Variants in PGCKA1 observed in about 807,000 individuals in gnomAD.
The protein encoded by PGCKA1 is PDCD10 and GCKIII kinases-associated protein 1.
At chr4:37,482,282 C>G in the PGCKA1 span, among the ~76,000 whole-genome samples, 1 of 152,118 alleles carries the variant, frequency 6.6e-6, no homozygotes, top group African/African-American at 2.4e-5. Flanking sequence ...TGGGAACTTC[C>G]TAGAGATTTG....
chr4:37,478,149 CCCA>C, the PGCKA1 span, among the ~76,000 whole-genome samples: 9 of 111,626 alleles, frequency 8.1e-5, no homozygotes, highest in South Asian at 3.9e-4. Context: ...AACACCCCCC[CCCA>C]CCGCCACTTA....
the PGCKA1 span, among the ~76,000 whole-genome samples, chr4:37,503,587 A>G: frequency 5.3e-5 from 8 of 152,142 alleles, no homozygotes; most frequent in African/African-American, 1.9e-4. Flanking sequence ...CCAACAGCAT[A>G]CTGATCTCCA....
the PGCKA1 span, among the ~76,000 whole-genome samples, chr4:37,580,765 C>T: frequency 6.6e-6 from 1 of 152,204 alleles, no homozygotes; most frequent in Admixed American, 6.5e-5. Flanking sequence ...CTAGCTAGCT[C>T]CAATGTTTGC....
the PGCKA1 span, among the ~76,000 whole-genome samples, chr4:37,537,744 C>T: frequency 1.3e-5 from 2 of 152,168 alleles, no homozygotes; most frequent in South Asian, 2.1e-4. Context: ...ATGCATCCAC[C>T]ATACTGAAGA....
chr4:37,590,692 G>A, the PGCKA1 span: 7 of 1,614,072 alleles, frequency 4.3e-6, no homozygotes, highest in East Asian at 2.2e-5. Flanking sequence ...GAACCATACT[G>A]AGGATGAATC....
chr4:37,482,573 TAGAAA>T, the PGCKA1 span, among the ~76,000 whole-genome samples: 1 of 152,168 alleles, frequency 6.6e-6, no homozygotes. Context: ...GGTGATGCAA[TAGAAA>T]AGAAAACCCT....
the PGCKA1 span, among the ~76,000 whole-genome samples, chr4:37,480,517 A>G: frequency 2.1e-3 from 318 of 152,132 alleles, 2 homozygotes; most frequent in Middle Eastern, 6.8e-3. Flanking sequence ...CAAACAAAAA[A>G]AACTGAGAGG....
At chr4:37,517,998 A>G in the PGCKA1 span, among the ~76,000 whole-genome samples, 1 of 152,242 alleles carries the variant, frequency 6.6e-6, no homozygotes, top group South Asian at 2.1e-4. Flanking sequence ...CCCACAAATA[A>G]GTGAGAACAT....
chr4:37,584,530 A>G, the PGCKA1 span: 1 of 152,304 alleles, frequency 6.6e-6, no homozygotes, highest in African/African-American at 2.4e-5. Context: ...GAAGAACAGT[A>G]TAGATCCTGT....
the PGCKA1 span, among the ~76,000 whole-genome samples, chr4:37,559,895 T>C: frequency 6.6e-6 from 1 of 152,344 alleles, no homozygotes. Flanking sequence ...CATGCATTAT[T>C]CTTGTTCCCC....
chr4:37,558,424 C>T, the PGCKA1 span, among the ~76,000 whole-genome samples: 1 of 152,166 alleles, frequency 6.6e-6, no homozygotes, highest in Non-Finnish European at 1.5e-5. Context: ...CAGTGGCTCT[C>T]AGCGTGTGGT....
chr4:37,454,008 G>A, the PGCKA1 span: 1 of 156,166 alleles, frequency 6.4e-6, no homozygotes, highest in South Asian at 1.8e-4. Flanking sequence ...CCGGGACCCC[G>A]CCGCCGCCGC....
At chr4:37,490,444 G>A in the PGCKA1 span, among the ~76,000 whole-genome samples, 2 of 152,170 alleles carry the variant, frequency 1.3e-5, no homozygotes, top group Admixed American at 1.3e-4. Context: ...CTTGGCCAAT[G>A]CTACCAAGAA....
the PGCKA1 span, among the ~76,000 whole-genome samples, chr4:37,573,156 C>G: frequency 4.6e-5 from 7 of 152,086 alleles, no homozygotes; most frequent in Admixed American, 3.3e-4. Context: ...GAATTCTGTA[C>G]GTGTTTGCAT....
At chr4:37,519,725 T>A in the PGCKA1 span, among the ~76,000 whole-genome samples, 1 of 152,224 alleles carries the variant, frequency 6.6e-6, no homozygotes, top group Admixed American at 6.5e-5. Context: ...TAATTTGACT[T>A]CTTACATTCC....
chr4:37,571,355 C>CTTTTTTTTT, the PGCKA1 span, among the ~76,000 whole-genome samples: 1 of 78,036 alleles, frequency 1.3e-5, no homozygotes. Context: ...GACTATTATC[C>CTTTTTTTTT]TTTTTTTTTT....
the PGCKA1 span, among the ~76,000 whole-genome samples, chr4:37,549,695 C>A: frequency 6.6e-6 from 1 of 152,178 alleles, no homozygotes; most frequent in African/African-American, 2.4e-5. Flanking sequence ...TATCAGAGAG[C>A]CCAGATAAAC....
At chr4:37,532,870 A>G in the PGCKA1 span, among the ~76,000 whole-genome samples, 11,811 of 152,166 alleles carry the variant, frequency 0.078, 641 homozygotes, top group South Asian at 0.22. Context: ...ATAAGCTTCT[A>G]TGAAATGTCA....
the PGCKA1 span, among the ~76,000 whole-genome samples, chr4:37,532,441 A>G: frequency 6.6e-6 from 1 of 152,274 alleles, no homozygotes; most frequent in Non-Finnish European, 1.5e-5. Flanking sequence ...TAGGTTAACT[A>G]TGGATAGAAA....
Sources: allele counts gnomAD v4.1 joint callset (sites outside exome capture counted in the v4.1 genomes callset), GRCh38; gene constraint gnomAD v4.1.1; transcripts MANE v1.5; gene names NCBI Gene and HGNC (gene_info 2026-07-23, HGNC 2026-07-21).